EGFL7: variants seen among roughly 807,000 people sequenced by gnomAD.
EGFL7 encodes the protein EGF like domain multiple 7, also known as epidermal growth factor-like protein 7.
Under a neutral mutation model 37.1 loss-of-function variants are expected in EGFL7, and 48 were observed. The observed-to-expected ratio is 1.29, with a 90% CI of 1.03 to 1.65. EGFL7 has a LOEUF of 1.65. EGFL7 is among the 40% of genes most tolerant of loss of function. The pLI is 0.00. For missense variants in EGFL7, 384 were observed against 378.9 expected (o/e 1.01, Z -0.11); for synonymous variants, 180 against 156.8 (o/e 1.15, Z -1.10).
In EGFL7 at chr9:136,668,124, C is replaced by T. The variant is rs1588236799; in HGVS notation, c.-42-117C>T. 31 of 615,138 alleles carry T rather than the reference C, an allele frequency of 5.0e-5. 1 individual carries two copies. In the East Asian group the frequency reaches 9.2e-4, roughly 18 times the overall value. The allele number at this position is 615,138 out of a possible 1,614,324, so 38.1% of individuals were successfully genotyped here. On this transcript the variant is annotated intron_variant, in intron 3 of 10. Coordinates refer to ENST00000308874, the MANE Select transcript of EGFL7 (RefSeq NM_016215.5). ...AGTGGGCGCCACCGTGGGGCTGTCC[C>T]ACCGGTGGAGGCTCCAGCGGAGATG... is the stretch of plus-strand genomic sequence containing the variant.
rs754846684 is a variant in EGFL7 at position 136,669,740 on chromosome 9, G to A, written c.313+19G>A. ...GGAGCAGGTGAGGGCTATGTCCCTC[G>A]GCGCCCGGTGTTAGGAGGGCGACTG... On this transcript the variant is annotated intron_variant, in intron 6 of 10. Transcript: ENST00000308874. The A allele has an allele frequency of 3.1e-5, 48 of 1,547,078 alleles. No individual in the cohort carries two copies. The highest frequency in any genetic ancestry group is 3.2e-5 in the Non-Finnish European group (36 of 1,139,976).
intron 2 of EGFL7, among the ~76,000 whole-genome samples, 192 bp from the exon 3 acceptor site, chr9:136,664,500 C>T (rs1228280512): frequency 3.3e-5 from 5 of 152,340 alleles, no homozygotes; most frequent in East Asian, 1.9e-4. Flanking sequence ...CCAGGGGCTG[C>T]GGATCCGAGA....
At chr9:136,669,056 C>G (rs1564279161) in intron 5 of EGFL7, among the ~76,000 whole-genome samples, 1 of 152,192 alleles carries the variant, frequency 6.6e-6, no homozygotes, top group East Asian at 1.9e-4. Flanking sequence ...TGGTCCCACT[C>G]CACTGGGCAC....
intron 4 of EGFL7, 80 bp downstream of exon 4, chr9:136,668,442 C>G (rs919428648): frequency 6.6e-7 from 1 of 1,511,128 alleles, no homozygotes; most frequent in African/African-American, 1.4e-5. Context: ...GCCCTCAGCA[C>G]CTGTCGGGGA....
chr9:136,668,744 G>T, intron 5 of EGFL7, 71 bp downstream of exon 5: 1 of 1,298,164 alleles, frequency 7.7e-7, no homozygotes. Context: ...GCATGTCAGG[G>T]GCGAGGCGGG....
In EGFL7 at chr9:136,670,154, C is replaced by T. The variant is rs1445231887; in HGVS notation, c.410-15C>T. ...CTCCCGCAGGCATGGCCGCCTGACACCCCGTTTCCTGCAGATGTGGATGAA... is the reference window on the plus strand; with the variant it reads ...CTCCCGCAGGCATGGCCGCCTGACATCCCGTTTCCTGCAGATGTGGATGAA... On this transcript the variant is annotated splice_polypyrimidine_tract_variant and intron_variant, in intron 7 of 10. Coordinates refer to ENST00000308874, the MANE Select transcript of EGFL7 (RefSeq NM_016215.5). 1.9e-6 allele frequency: 3 copies of T among 1,612,530 alleles called. No individual in the cohort carries two copies. The highest frequency in any genetic ancestry group is 1.3e-5 in the African/African-American group (1 of 74,936).
rs767812513 is a variant in EGFL7 at position 136,666,993 on chromosome 9, C to T, written c.-42-1248C>T. ...TAGTTGGCAGCCTCTGCCCTGCCCT[C>T]CTCTCTCCAGCGCACAGAGGACTGG... On this transcript the variant is annotated intron_variant, in intron 3 of 10. Coordinates refer to ENST00000308874, the MANE Select transcript of EGFL7 (RefSeq NM_016215.5). This position sits in a 1 kb window ranked among gnomAD's most constrained non-coding sequence, Gnocchi z 6.8. Among the ~76,000 whole-genome samples, 1 of 152,124 alleles carries T rather than the reference C, an allele frequency of 6.6e-6. No individual in the cohort carries two copies. The highest frequency in any genetic ancestry group is 1.5e-5 in the Non-Finnish European group (1 of 68,002).
Position 136,669,463 on chromosome 9 carries a change from CCCCTCAGTGCCA to C in EGFL7, c.198-142_198-131del, listed in dbSNP as rs1316001690. ...AGGCAGGGAAACGGCTGTGCAGTGA[CCCCTCAGTGCCA>C]TCCCTTGAGGAGAAGACCCTTGGGG... On this transcript the variant is annotated intron_variant, in intron 5 of 10. Coordinates refer to ENST00000308874, the MANE Select transcript of EGFL7 (RefSeq NM_016215.5). The C allele has an allele frequency of 1.7e-5, 11 of 629,510 alleles. No individual in the cohort carries two copies. The Admixed American group carries it at 3.1e-4, about 18-fold the overall frequency. 39.0% of individuals were successfully genotyped at this position (629,510 alleles called of 1,614,324 possible).
At chr9:136,668,198 G>A (rs1845599259) in intron 3 of EGFL7, 43 bp from the exon 4 acceptor site, 5 of 1,209,942 alleles carry the variant, frequency 4.1e-6, no homozygotes, top group Non-Finnish European at 3.5e-6. Flanking sequence ...CGCGTCCTGG[G>A]GGCATCTGCG....
chr9:136,670,118 G>GGGCAGGACCCCTCCCGCA, intron 7 of EGFL7, 51 bp from the exon 8 acceptor site: 1 of 1,610,716 alleles, frequency 6.2e-7, no homozygotes, highest in Non-Finnish European at 8.5e-7. Context: ...GGAGCTGTGT[G>GGGCAGGACCCCTCCCGCA]GGCAGGACCC....
intron 2 of EGFL7, among the ~76,000 whole-genome samples, chr9:136,664,130 C>T (rs1374264432): frequency 6.6e-6 from 1 of 152,158 alleles, no homozygotes; most frequent in Admixed American, 6.5e-5. Flanking sequence ...GCTCAGGGCG[C>T]CAGGAGGCCT....
chr9:136,668,637 C>A lies in EGFL7; in HGVS notation c.161C>A (p.Thr54Asn). 1 of 1,605,798 alleles carries A rather than the reference C, an allele frequency of 6.2e-7. No homozygotes were observed. The highest frequency in any genetic ancestry group is 8.5e-7 in the Non-Finnish European group (1 of 1,179,722). The change falls in exon 5 of 11, where the codon ACC (threonine) becomes AAC (asparagine). Residue 54 changes from threonine (T) to asparagine (N), a missense_variant. Coordinates refer to ENST00000308874, the MANE Select transcript of EGFL7 (RefSeq NM_016215.5). ...CAGCGTGTGTACCAGCCCTTCCTCA[C>A]CACCTGCGACGGGCACCGGGCCTGC... ...FVQRVYQPFLTTCDGHRACST... is the reference protein window; with the variant it reads ...FVQRVYQPFLNTCDGHRACST...
At chr9:136,660,249 GCCAAC>G (rs1845059110), upstream of EGFL7, 1 of 152,362 alleles carries the variant, frequency 6.6e-6, no homozygotes, top group African/African-American at 2.4e-5. Context: ...TCTGTCCCCT[GCCAAC>G]CCCCCGCCCC....
intron 2 of EGFL7, among the ~76,000 whole-genome samples, chr9:136,664,141 A>G (rs1300076300): frequency 2.0e-5 from 3 of 152,186 alleles, no homozygotes; most frequent in Non-Finnish European, 4.4e-5. Flanking sequence ...CAGGAGGCCT[A>G]GGACTCCCCA....
In EGFL7 at chr9:136,669,721, G is replaced by GCAATATGCCAGCCGCCATGCCGGAAC; in HGVS notation, c.313_313+1insCAATATGCCAGCCGCCATGCCGGAAC (p.Gly114GlnfsTer92). 2 of 1,587,218 alleles carry GCAATATGCCAGCCGCCATGCCGGAAC rather than the reference G, an allele frequency of 1.3e-6. No homozygotes were observed. Among genetic ancestry groups the GCAATATGCCAGCCGCCATGCCGGAAC allele is most frequent in the African/African-American group, 1.3e-5 (1 of 74,666 alleles). ...CGGGCTTCCTGGGGCCTGTGGAGCA[G>GCAATATGCCAGCCGCCATGCCGGAAC]GTGAGGGCTATGTCCCTCGGCGCCC... is the stretch of plus-strand genomic sequence containing the variant. On this transcript the variant is annotated frameshift_variant and splice_region_variant. Coordinates refer to ENST00000308874, the MANE Select transcript of EGFL7 (RefSeq NM_016215.5). LOFTEE classifies it high-confidence loss of function.
chr9:136,661,131 C>T (rs1845119542), upstream of EGFL7, among the ~76,000 whole-genome samples: 1 of 152,188 alleles, frequency 6.6e-6, no homozygotes. Flanking sequence ...TAAGGCTTGG[C>T]CCGCTGGGGG....
chr9:136,664,999 T>G (rs1845371420), intron 3 of EGFL7, among the ~76,000 whole-genome samples: 1 of 152,196 alleles, frequency 6.6e-6, no homozygotes, highest in African/African-American at 2.4e-5. Context: ...TTTAGCCCCA[T>G]CTTATAAATT....
upstream of EGFL7, among the ~76,000 whole-genome samples, chr9:136,661,182 G>A (rs1370265031): frequency 6.6e-6 from 1 of 152,156 alleles, no homozygotes; most frequent in Non-Finnish European, 1.5e-5. Flanking sequence ...AGCCAGGGGC[G>A]AGGGCAGAGT....
upstream of EGFL7, chr9:136,658,986 C>T (rs1844981367): frequency 6.6e-6 from 1 of 151,872 alleles, no homozygotes; most frequent in Non-Finnish European, 1.5e-5. Flanking sequence ...GCGAGGGGTC[C>T]CCCGGGCGAC....
Sources: gnomAD v4.1 joint callset for allele counts (sites outside exome capture counted in the v4.1 genomes callset) on GRCh38, gnomAD v4.1.1 for gene constraint, Gnocchi (gnomAD v3.1) non-coding constraint, MANE v1.5 for transcripts, NCBI Gene and HGNC (gene_info 2026-07-23, HGNC 2026-07-21) for gene names.